The following RABGAP1L variants were observed in gnomAD, a reference collection of about 807,000 sequenced individuals.
RABGAP1L encodes the protein rab GTPase-activating protein 1-like.
In RABGAP1L, 63 loss-of-function variants were observed where a neutral mutation model predicts 137.7. The ratio of observed to expected loss-of-function variants is 0.46; its 90% CI spans 0.37 to 0.56. RABGAP1L has a LOEUF of 0.56. RABGAP1L is among the 20% of genes least tolerant of loss of function. The probability of loss-of-function intolerance (pLI) is 0.00; values close to 1 mark genes in which losing one functional copy is unlikely to be tolerated. For missense variants in RABGAP1L, 1,095 were observed against 1,244.0 expected (o/e 0.88, Z 1.80); for synonymous variants, 431 against 433.7 (o/e 0.99, Z 0.08).
At chr1:174,799,903 C>T in intron 18 of RABGAP1L, 2 of 989,742 alleles carry the variant, frequency 2.0e-6, no homozygotes, top group South Asian at 9.3e-5. Flanking sequence ...TCTTCTCACA[C>T]ATAGACACGC....
chr1:174,579,554 T>C (rs1222384356), intron 13 of RABGAP1L, among the ~76,000 whole-genome samples: 1 of 152,208 alleles, frequency 6.6e-6, no homozygotes, highest in Non-Finnish European at 1.5e-5. Context: ...AAGTTAAGAA[T>C]CACTGCAGTA....
At chr1:174,232,778 A>G (rs1226764009) in intron 4 of RABGAP1L, among the ~76,000 whole-genome samples, 2 of 151,690 alleles carry the variant, frequency 1.3e-5, no homozygotes, top group Non-Finnish European at 2.9e-5. Flanking sequence ...AAAAAAAATA[A>G]GTCAGATAAT....
chr1:174,409,382 T>A (rs759858798), intron 13 of RABGAP1L, among the ~76,000 whole-genome samples: 3 of 152,188 alleles, frequency 2.0e-5, no homozygotes, highest in Non-Finnish European at 4.4e-5. Flanking sequence ...TTAATCCTGT[T>A]ATCTTCGTAA....
At chr1:174,471,738 G>A (rs951271953) in intron 13 of RABGAP1L, among the ~76,000 whole-genome samples, 1 of 152,172 alleles carries the variant, frequency 6.6e-6, no homozygotes, top group Non-Finnish European at 1.5e-5. Flanking sequence ...TCTGGCTGCA[G>A]CGTGCAGAAT....
At chr1:174,523,075 C>A (rs1663568863) in intron 13 of RABGAP1L, among the ~76,000 whole-genome samples, 1 of 152,078 alleles carries the variant, frequency 6.6e-6, no homozygotes, top group African/African-American at 2.4e-5. Flanking sequence ...TTCTGTTAGC[C>A]CTCAGCATAT....
chr1:174,229,716 G>A (rs911008960), intron 3 of RABGAP1L, among the ~76,000 whole-genome samples: 7 of 152,106 alleles, frequency 4.6e-5, no homozygotes, highest in African/African-American at 1.4e-4. Flanking sequence ...GAATAGTGCC[G>A]CTATAAACAT....
chr1:174,783,618 C>A (rs1033713178), intron 18 of RABGAP1L, among the ~76,000 whole-genome samples: 1 of 151,722 alleles, frequency 6.6e-6, no homozygotes, highest in African/African-American at 2.4e-5. Flanking sequence ...TATTCATCTT[C>A]AATTTGAAAT....
intron 13 of RABGAP1L, chr1:174,547,951 G>T (rs1419662558): frequency 6.5e-7 from 1 of 1,550,258 alleles, no homozygotes; most frequent in Non-Finnish European, 8.7e-7. Flanking sequence ...CATTAGACTT[G>T]ATGTTCTGAT....
At chr1:174,312,090 T>G (rs929397983) in intron 11 of RABGAP1L, among the ~76,000 whole-genome samples, 3 of 152,242 alleles carry the variant, frequency 2.0e-5, no homozygotes, top group African/African-American at 7.2e-5. Context: ...CTGATTTCCT[T>G]TCTTGTTGGA....
At chr1:174,615,423 C>T (rs915635920) in intron 13 of RABGAP1L, among the ~76,000 whole-genome samples, 4 of 152,138 alleles carry the variant, frequency 2.6e-5, no homozygotes, top group Non-Finnish European at 4.4e-5. Context: ...GCTGTCTGAT[C>T]GTTACTCTGG....
chr1:174,891,703 C>T (rs1656173823), intron 19 of RABGAP1L, among the ~76,000 whole-genome samples: 1 of 152,148 alleles, frequency 6.6e-6, no homozygotes. Context: ...TAGGGTCTCG[C>T]TATGTTGCTC....
intron 11 of RABGAP1L, among the ~76,000 whole-genome samples, chr1:174,339,345 T>C (rs1201887328): frequency 6.6e-6 from 1 of 152,174 alleles, no homozygotes; most frequent in Non-Finnish European, 1.5e-5. Context: ...GAAGCTAGTA[T>C]TTCATTATAC....
In RABGAP1L at chr1:174,913,190, G is replaced by T. The variant is rs191636346; in HGVS notation, c.2341-44267G>T. ...AGGGTTTCACCACATTGGCCAGACT[G>T]GTCTCGAACTCCTGACCTCAAGTGA... On this transcript the variant is annotated intron_variant, in intron 19 of 25. Coordinates refer to ENST00000681986, the MANE Select transcript of RABGAP1L (RefSeq NM_001366446.1). 3.0e-3 allele frequency among the ~76,000 whole-genome samples: 453 copies of T among 152,222 alleles called. 3 individuals are homozygous for T. The highest frequency in any genetic ancestry group is 0.01 in the African/African-American group (433 of 41,540).
intron 8 of RABGAP1L, among the ~76,000 whole-genome samples, chr1:174,273,270 A>G (rs1674704732): frequency 6.6e-6 from 1 of 151,978 alleles, no homozygotes; most frequent in African/African-American, 2.4e-5. Context: ...TAATATCAAT[A>G]CTGATTTTAT....
intron 13 of RABGAP1L, among the ~76,000 whole-genome samples, chr1:174,417,633 A>C (rs1256484879): frequency 1.3e-5 from 2 of 152,126 alleles, no homozygotes; most frequent in Non-Finnish European, 2.9e-5. Context: ...TTTGTTTTAA[A>C]CTTTGGGTAT....
chr1:174,409,279 A>G (rs921293599), intron 13 of RABGAP1L, among the ~76,000 whole-genome samples: 21 of 152,154 alleles, frequency 1.4e-4, no homozygotes, highest in South Asian at 8.3e-4. Flanking sequence ...CTTTACTGCA[A>G]TCTCTGAACA....
intron 17 of RABGAP1L, among the ~76,000 whole-genome samples, chr1:174,729,159 C>T (rs1682250574): frequency 6.6e-6 from 1 of 151,960 alleles, no homozygotes; most frequent in Non-Finnish European, 1.5e-5. Context: ...ATAGAGAACC[C>T]AGAAATAAAG....
At chr1:174,430,461 C>G (rs1344041265) in intron 13 of RABGAP1L, among the ~76,000 whole-genome samples, 1 of 152,056 alleles carries the variant, frequency 6.6e-6, no homozygotes, top group Non-Finnish European at 1.5e-5. Flanking sequence ...CAAACAATAC[C>G]TAGCATGCAA....
chr1:174,943,575 C>A (rs1327080353), intron 19 of RABGAP1L, among the ~76,000 whole-genome samples: 2 of 152,200 alleles, frequency 1.3e-5, no homozygotes, highest in East Asian at 3.8e-4. Flanking sequence ...GTGGCTCATG[C>A]CTGTAATCCC....
Sources: allele counts gnomAD v4.1 joint callset (sites outside exome capture counted in the v4.1 genomes callset), GRCh38; gene constraint gnomAD v4.1.1; transcripts MANE v1.5; gene names NCBI Gene and HGNC (gene_info 2026-07-23, HGNC 2026-07-21).